Variants in IRS1 observed in about 807,000 individuals in gnomAD.
IRS1 encodes insulin receptor substrate 1.
A neutral mutation model predicts 65.6 loss-of-function variants in IRS1; 34 were observed. That is an observed-to-expected ratio of 0.52 (90% CI 0.39 to 0.69). The LOEUF (loss-of-function observed/expected upper bound fraction) is 0.69, where lower values mean the gene tolerates loss of function less well. Ranked by LOEUF, IRS1 falls within the 30% of genes least tolerant of loss-of-function variation. The pLI, the probability that IRS1 is intolerant of heterozygous loss-of-function variation, is 0.00. For missense variants in IRS1, 1,641 were observed against 1,720.2 expected, an observed-to-expected ratio of 0.95 and a Z score of 0.81; for synonymous variants, 699 against 683.5, an observed-to-expected ratio of 1.02 and a Z score of -0.35.
Position 226,731,880 on chromosome 2 carries a change from C to T in IRS1, c.*4392G>A, listed in dbSNP as rs1938227164. ...CTACAAATGTCTATGCAAATATGGACAAGTTTTCCTGTTTACTGAATTTGT... is the reference window on the plus strand; with the variant it reads ...CTACAAATGTCTATGCAAATATGGATAAGTTTTCCTGTTTACTGAATTTGT... On this transcript the variant is annotated 3_prime_UTR_variant, in exon 2 of 2. Transcript: ENST00000305123. 1 of 151,852 alleles carries T rather than the reference C, an allele frequency of 6.6e-6. No individual in the cohort carries two copies. The highest frequency in any genetic ancestry group is 6.6e-5 in the Admixed American group (1 of 15,260). The allele number at this position is 151,852 out of a possible 1,614,324, so 9.4% of individuals were successfully genotyped here.
chr2:226,748,156 G>C (rs985660120), intron 1 of IRS1, among the ~76,000 whole-genome samples: 1 of 151,202 alleles, frequency 6.6e-6, no homozygotes, highest in Non-Finnish European at 1.5e-5. Context: ...GGCCAGGCAT[G>C]GTGGCTCACA....
At position 226,798,037 on chromosome 2, in the gene IRS1, C is replaced by T. The variant is rs2234931; in HGVS notation, c.702G>A (p.Gly234=). ...AGTCATCCACCTGCATCCAGAACTC[C>T]CCGGGCCCCGTCACGGCAGAACGGC... The part of the protein sequence containing the change: ...EVGRSAVTGP[G]EFWMQVDDSV... The change falls in exon 1 of 2, where the codon GGG becomes GGA. Residue 234 remains glycine (G), a synonymous_variant. Coordinates refer to ENST00000305123, the MANE Select transcript of IRS1 (RefSeq NM_005544.3). This position sits in a 1 kb window ranked among gnomAD's most constrained non-coding sequence, Gnocchi z 9.4. The T allele has an allele frequency of 0.062, 99,391 of 1,614,018 alleles. 3,345 individuals are homozygous for T. The highest frequency in any genetic ancestry group is 0.067 in the Non-Finnish European group (79,302 of 1,179,992).
chr2:226,763,859 C>T (rs991310711), intron 1 of IRS1, among the ~76,000 whole-genome samples: 3 of 152,144 alleles, frequency 2.0e-5, no homozygotes, highest in African/African-American at 7.2e-5. Context: ...CCAAGCTACT[C>T]TTTTCTTCAT....
rs1480041181 is a variant in IRS1, at chr2:226,799,288, CCCCAACCGT to C, written c.-559_-551del. The C allele has an allele frequency of 8.4e-7, 1 of 1,195,578 alleles. No individual in the cohort carries two copies. The highest frequency in any genetic ancestry group is 1.7e-5 in the African/African-American group (1 of 60,310). 74.1% of individuals were successfully genotyped at this position (1,195,578 alleles called of 1,614,324 possible). On this transcript the variant is annotated 5_prime_UTR_variant, in exon 1 of 2. Coordinates refer to ENST00000305123, the MANE Select transcript of IRS1 (RefSeq NM_005544.3). The surrounding 1 kb of genome is among the most constrained non-coding windows in gnomAD (Gnocchi z 6.1). ...CCCTCCTCCTTCGCCTCCTCCCACC[CCCCAACCGT>C]CCCAGCCGCCACCAGCCGCCCAAAT...
Position 226,798,441 on chromosome 2 carries a change from C to T in IRS1, c.298G>A (p.Glu100Lys), listed in dbSNP as rs570775459. The T allele has an allele frequency of 1.2e-6, 2 of 1,614,128 alleles. No individual in the cohort carries two copies. The highest frequency in any genetic ancestry group is 1.3e-5 in the African/African-American group (1 of 75,070). Residue 100 changes from glutamate (E) to lysine (K), a missense_variant, in exon 1 of 2, where the codon GAG becomes AAG. Glu to Lys is a moderately conservative substitution (Grantham distance 56). Around this residue, in one of 3 missense-constraint regions of IRS1, gnomAD observed 240 missense variants for 229.6 expected, o/e 1.05. Coordinates refer to ENST00000305123, the MANE Select transcript of IRS1 (RefSeq NM_005544.3). This position sits in a 1 kb window ranked among gnomAD's most constrained non-coding sequence, Gnocchi z 9.4. ...DEHFAIAADS[E>K]AEQDSWYQAL... Reference sequence around the variant, plus strand: ...TGGTACCAGCTGTCTTGCTCGGCCTCGCTGTCCGCCGCGATGGCAAAGTGC... The same window carrying T: ...TGGTACCAGCTGTCTTGCTCGGCCTTGCTGTCCGCCGCGATGGCAAAGTGC...
At chr2:226,789,924 G>T (rs940658436) in intron 1 of IRS1, among the ~76,000 whole-genome samples, 1 of 152,112 alleles carries the variant, frequency 6.6e-6, no homozygotes, top group Non-Finnish European at 1.5e-5. Context: ...TTAATGTCAG[G>T]CCTGAATCAA....
At chr2:226,755,875 T>C (rs1488240708) in intron 1 of IRS1, among the ~76,000 whole-genome samples, 3 of 152,218 alleles carry the variant, frequency 2.0e-5, no homozygotes, top group Admixed American at 6.5e-5. Context: ...CTTAAGAGCA[T>C]GGAGCTCCTC....
intron 1 of IRS1, among the ~76,000 whole-genome samples, chr2:226,769,432 G>C: frequency 6.6e-6 from 1 of 152,150 alleles, no homozygotes; most frequent in Admixed American, 6.5e-5. Flanking sequence ...AAAGCAATTA[G>C]ATCTATGGAA....
Position 226,795,732 on chromosome 2 carries a change from C to T in IRS1, c.3007G>A (p.Asp1003Asn), listed in dbSNP as rs1203645968. The change falls in exon 1 of 2, where the codon GAC (aspartate) becomes AAC (asparagine). Residue 1003 changes from aspartate to asparagine, a missense_variant. Around this residue, in one of 3 missense-constraint regions of IRS1, gnomAD observed 1,324 missense variants for 1,361.0 expected, o/e 0.97. Transcript: ENST00000305123. ...QMSCPRQSYV[D>N]TSPAAPVSYA... ...CTTACAGGGGCAGCTGGCGAGGTGT[C>T]CACGTAGCTCTGACGGGGACAACTC... 4 of 1,613,294 alleles carry T rather than the reference C, an allele frequency of 2.5e-6. No individual in the cohort carries two copies. In the Admixed American group the frequency reaches 5.0e-5, roughly 20 times the overall value.
intron 1 of IRS1, among the ~76,000 whole-genome samples, chr2:226,750,505 G>T (rs535035445): frequency 1.3e-5 from 2 of 152,180 alleles, no homozygotes; most frequent in East Asian, 3.9e-4. Context: ...CAGGTGAGGG[G>T]GGTAAACATA....
At chr2:226,746,695 C>T (rs1357221535) in intron 1 of IRS1, among the ~76,000 whole-genome samples, 1 of 152,034 alleles carries the variant, frequency 6.6e-6, no homozygotes, top group Non-Finnish European at 1.5e-5. Context: ...TTGCTCCTGC[C>T]CCTCTCTATT....
chr2:226,768,606 C>A (rs910992828), intron 1 of IRS1, among the ~76,000 whole-genome samples: 1 of 152,126 alleles, frequency 6.6e-6, no homozygotes, highest in African/African-American at 2.4e-5. Flanking sequence ...TCCTCTGTAC[C>A]TGCTGACCTT....
chr2:226,744,331 C>A (rs1221018115), intron 1 of IRS1, among the ~76,000 whole-genome samples: 1 of 152,166 alleles, frequency 6.6e-6, no homozygotes, highest in African/African-American at 2.4e-5. Context: ...CCAAAACAAC[C>A]ATGAGGTACC....
In IRS1 at chr2:226,795,474, G is replaced by A. The variant is rs781408207; in HGVS notation, c.3265C>T (p.Arg1089Cys). ...PNRNQSAKVI[R>C]ADPQGCRRRH... ...CGCCGGCACCCTTGTGGGTCTGCACGGATCACTTTGGCACTCTGGTTGCGG... is the reference window on the plus strand; with the variant it reads ...CGCCGGCACCCTTGTGGGTCTGCACAGATCACTTTGGCACTCTGGTTGCGG... The change falls in exon 1 of 2, where the codon CGT becomes TGT. Residue 1089 changes from arginine to cysteine, a missense_variant. By Grantham distance (180) the Arg-to-Cys change is radical (BLOSUM62 -3). This residue lies in a region of IRS1 where 1,324 missense variants were observed against 1,361.0 expected (regional missense o/e 0.97). Coordinates refer to ENST00000305123, the MANE Select transcript of IRS1 (RefSeq NM_005544.3). The A allele has an allele frequency of 2.7e-5, 43 of 1,613,420 alleles. No homozygotes were observed. Among genetic ancestry groups the A allele is most frequent in the African/African-American group, 5.3e-5 (4 of 74,930 alleles).
chr2:226,758,484 G>C (rs1302606894), intron 1 of IRS1, among the ~76,000 whole-genome samples: 3 of 152,030 alleles, frequency 2.0e-5, no homozygotes, highest in Non-Finnish European at 4.4e-5. Context: ...ATATACAGTT[G>C]AATATCAGGA....
chr2:226,764,558 A>G (rs1187831797), intron 1 of IRS1, among the ~76,000 whole-genome samples: 1 of 152,072 alleles, frequency 6.6e-6, no homozygotes, highest in East Asian at 1.9e-4. Flanking sequence ...AAGAAAATCT[A>G]TTTACCTACA....
chr2:226,765,941 A>G (rs1348329217), intron 1 of IRS1, among the ~76,000 whole-genome samples: 1 of 150,978 alleles, frequency 6.6e-6, no homozygotes, highest in African/African-American at 2.4e-5. Flanking sequence ...TTTTAATTGA[A>G]TCTACTAGAA....
chr2:226,764,079 C>T (rs1271651851), intron 1 of IRS1, among the ~76,000 whole-genome samples: 2 of 151,504 alleles, frequency 1.3e-5, no homozygotes, highest in African/African-American at 4.9e-5. Flanking sequence ...TTCAGCAGAA[C>T]ACACTCCAAG....
chr2:226,776,308 A>G (rs1295655264), intron 1 of IRS1, among the ~76,000 whole-genome samples: 1 of 152,036 alleles, frequency 6.6e-6, no homozygotes, highest in Admixed American at 6.5e-5. Context: ...AATAGAATTG[A>G]CTAAGTAAAT....
Sources: allele counts gnomAD v4.1 joint callset (sites outside exome capture counted in the v4.1 genomes callset), GRCh38; gene constraint gnomAD v4.1.1; regional missense constraint gnomAD v4.1.1; non-coding constraint Gnocchi (gnomAD v3.1); transcripts MANE v1.5; gene names NCBI Gene and HGNC (gene_info 2026-07-23, HGNC 2026-07-21).